The following YLPM1 variants were observed in gnomAD, a reference collection of about 807,000 sequenced individuals.
YLPM1 encodes YLP motif-containing protein 1.
In YLPM1, 99 loss-of-function variants were observed where a neutral mutation model predicts 230.0. The observed-to-expected ratio is 0.43, with a 90% CI of 0.37 to 0.51. YLPM1 has a LOEUF of 0.51. YLPM1 is among the 20% of genes least tolerant of loss of function. The pLI, the probability that YLPM1 is intolerant of heterozygous loss-of-function variation, is 0.00. For missense variants in YLPM1, 2,592 were observed against 2,707.7 expected (o/e 0.96, Z 0.95); for synonymous variants, 984 against 942.5 (o/e 1.04, Z -0.81).
chr14:74,821,263 T>A (rs888979737), intron 17 of YLPM1, 126 bp downstream of exon 17: 2 of 1,331,326 alleles, frequency 1.5e-6, no homozygotes, highest in African/African-American at 3.0e-5. Context: ...GTTTCCATAA[T>A]CATCTTCAAG....
At chr14:74,780,191 C>T (rs2091079241) in intron 2 of YLPM1, among the ~76,000 whole-genome samples, 1 of 152,054 alleles carries the variant, frequency 6.6e-6, no homozygotes, top group Non-Finnish European at 1.5e-5. Context: ...TTTATAAACT[C>T]CTTTGTATTA....
At chr14:74,784,571 T>A (rs2091128247) in intron 4 of YLPM1, among the ~76,000 whole-genome samples, 2 of 152,248 alleles carry the variant, frequency 1.3e-5, no homozygotes, top group African/African-American at 4.8e-5. Flanking sequence ...GTACTTTCTG[T>A]GATGAGCAGT....
At chr14:74,783,682 A>G (rs991988042) in intron 4 of YLPM1, among the ~76,000 whole-genome samples, 9 of 152,318 alleles carry the variant, frequency 5.9e-5, no homozygotes, top group Admixed American at 2.6e-4. Context: ...AAAACAAAAT[A>G]TATCTTTTAT....
Position 74,798,531 on chromosome 14 carries a change from C to G in YLPM1, c.3234C>G (p.Ser1078Arg). 1 of 1,613,788 alleles carries G rather than the reference C, an allele frequency of 6.2e-7. No individual in the cohort carries two copies. Among genetic ancestry groups the G allele is most frequent in the East Asian group, 2.2e-5 (1 of 44,850 alleles). Residue 1078 changes from serine (S) to arginine (R), a missense_variant, in exon 5 of 21, where the codon AGC (serine) becomes AGG (arginine). By Grantham distance (110) the Ser-to-Arg change is moderately radical. Transcript: ENST00000325680. Reference sequence around the variant, plus strand: ...AGAAGATGAACAGAGGAGAAGGTAGCCGGGACAGAGGGTTGGTGAGGCCTG... The same window carrying G: ...AGAAGATGAACAGAGGAGAAGGTAGGCGGGACAGAGGGTTGGTGAGGCCTG... The part of the protein sequence containing the change: ...SREKMNRGEG[S>R]RDRGLVRPGS...
chr14:74,801,335 A>G (rs2091322590), intron 5 of YLPM1, among the ~76,000 whole-genome samples: 1 of 152,222 alleles, frequency 6.6e-6, no homozygotes, highest in African/African-American at 2.4e-5. Flanking sequence ...AATCTTACAC[A>G]CTTGACCCTT....
intron 6 of YLPM1, among the ~76,000 whole-genome samples, chr14:74,808,784 A>G (rs991657026): frequency 2.7e-5 from 4 of 149,508 alleles, no homozygotes; most frequent in African/African-American, 7.5e-5. Context: ...AGCCTGAGCA[A>G]CAAGAGTGAA....
intron 18 of YLPM1, chr14:74,828,015 T>A (rs762133329): frequency 6.1e-5 from 60 of 985,140 alleles, no homozygotes; most frequent in Non-Finnish European, 7.0e-5. Flanking sequence ...TCAATGATAA[T>A]CACTTTTATG....
At position 74,821,069 on chromosome 14, in the gene YLPM1, G is replaced by A; in HGVS notation, c.6043G>A (p.Asp2015Asn). 1 of 1,522,364 alleles carries A rather than the reference G, an allele frequency of 6.6e-7. No individual in the cohort carries two copies. The highest frequency in any genetic ancestry group is 8.8e-7 in the Non-Finnish European group (1 of 1,135,480). 94.3% of individuals were successfully genotyped at this position (1,522,364 alleles called of 1,614,324 possible). A position where few individuals can be genotyped will look rare whatever the true frequency, so the allele number is the denominator to read the frequency against. Residue 2015 changes from aspartate to asparagine, a missense_variant, in exon 17 of 21, where the codon GAT (aspartate) becomes AAT (asparagine). This residue lies in a region of YLPM1 where 315 missense variants were observed against 429.3 expected (regional missense o/e 0.73). Transcript: ENST00000325680. ...ATGGTTGGTATAGGTAGAGATGGAAGATTTTGATGCAAATATCGAAGAACA... is the reference window on the plus strand; with the variant it reads ...ATGGTTGGTATAGGTAGAGATGGAAAATTTTGATGCAAATATCGAAGAACA... Reference protein sequence around the residue: ...DAAIEEVEMEDFDANIEEQKE... With the variant: ...DAAIEEVEMENFDANIEEQKE...
In YLPM1 at chr14:74,798,752, G is replaced by T; in HGVS notation, c.3455G>T (p.Ser1152Ile). The T allele has an allele frequency of 1.2e-6, 2 of 1,613,470 alleles. No homozygotes were observed. The highest frequency in any genetic ancestry group is 1.7e-6 in the Non-Finnish European group (2 of 1,179,540). ...AGAGGACCACCTCGAGGGCCTGGCA[G>T]TCGAGAAAGGGGACTGGGAAGATCA... The part of the protein sequence containing the change: ...RERGPPRGPG[S>I]RERGLGRSDF... The change falls in exon 5 of 21, where the codon AGT becomes ATT. Residue 1152 changes from serine (S) to isoleucine (I), a missense_variant. This residue lies in a region of YLPM1 where 1,862 missense variants were observed against 1,819.8 expected (regional missense o/e 1.02). Coordinates refer to ENST00000325680, the MANE Select transcript of YLPM1 (RefSeq NM_019589.3).
At chr14:74,828,190 G>A (rs914381633) in intron 18 of YLPM1, among the ~76,000 whole-genome samples, 1 of 152,132 alleles carries the variant, frequency 6.6e-6, no homozygotes, top group Non-Finnish European at 1.5e-5. Flanking sequence ...CCAACGTGGT[G>A]TCTGAAAGAT....
At chr14:74,776,974 T>G (rs901586813) in intron 1 of YLPM1, among the ~76,000 whole-genome samples, 2 of 152,086 alleles carry the variant, frequency 1.3e-5, no homozygotes, top group Admixed American at 6.6e-5. Flanking sequence ...GAGGATCATT[T>G]GAGCACAGGA....
chr14:74,829,256 C>G lies in YLPM1; in HGVS notation c.6207C>G (p.Asp2069Glu). 4.3e-6 allele frequency: 7 copies of G among 1,613,272 alleles called. No homozygotes were observed. The South Asian group carries it at 7.7e-5, about 18-fold the overall frequency. The change falls in exon 19 of 21, where the codon GAC becomes GAG. Residue 2069 changes from aspartate to glutamate, a missense_variant. Asp to Glu is a conservative substitution (Grantham distance 45). Around this residue, in one of 4 missense-constraint regions of YLPM1, gnomAD observed 315 missense variants for 429.3 expected, o/e 0.73. Transcript: ENST00000325680. ...GLRTGTKRKR[D>E]WEAIASRMED... ...GGACTGGTACTAAAAGGAAACGTGA[C>G]TGGGAGGCCATTGCCAGCAGAATGG...
chr14:74,798,760 A>G lies in YLPM1; in HGVS notation c.3463A>G (p.Arg1155Gly). The change falls in exon 5 of 21, where the codon AGG (arginine) becomes GGG (glycine). Residue 1155 changes from arginine (R) to glycine (G), a missense_variant. Arg to Gly is a moderately radical substitution (Grantham distance 125). Transcript: ENST00000325680. ...ACCTCGAGGGCCTGGCAGTCGAGAAAGGGGACTGGGAAGATCAGATTTTGG... is the reference window on the plus strand; with the variant it reads ...ACCTCGAGGGCCTGGCAGTCGAGAAGGGGGACTGGGAAGATCAGATTTTGG... Reference protein sequence around the residue: ...GPPRGPGSRERGLGRSDFGRD... With the variant: ...GPPRGPGSREGGLGRSDFGRD... 1 of 1,613,512 alleles carries G rather than the reference A, an allele frequency of 6.2e-7. No individual in the cohort carries two copies. Among genetic ancestry groups the G allele is most frequent in the Non-Finnish European group, 8.5e-7 (1 of 1,179,600 alleles).
At position 74,780,423 on chromosome 14, in the gene YLPM1, G is replaced by A; in HGVS notation, c.1129G>A (p.Asp377Asn). ...EEPQSEDPEE[D>N]ARLKQLQAAA... ...TCTTTAGTCTGAGGACCCAGAAGAA[G>A]ATGCCAGGTTAAAGCAGTTGCAGGC... Residue 377 changes from aspartate to asparagine, a missense_variant, in exon 3 of 21, where the codon GAT becomes AAT. Coordinates refer to ENST00000325680, the MANE Select transcript of YLPM1 (RefSeq NM_019589.3). 8 of 1,613,026 alleles carry A rather than the reference G, an allele frequency of 5.0e-6. No homozygotes were observed. Among genetic ancestry groups the A allele is most frequent in the Non-Finnish European group, 5.1e-6 (6 of 1,179,382 alleles).
intron 2 of YLPM1, 52 bp downstream of exon 2, chr14:74,778,735 G>T: frequency 1.4e-6 from 2 of 1,456,864 alleles, no homozygotes; most frequent in East Asian, 2.5e-5. Context: ...GCTTTTTTCT[G>T]ATTCATTTAG....
In YLPM1 at chr14:74,781,676, C is replaced by G. The variant is rs1418295011; in HGVS notation, c.1633C>G (p.Pro545Ala). 3 of 1,613,236 alleles carry G rather than the reference C, an allele frequency of 1.9e-6. No individual in the cohort carries two copies. The South Asian group carries it at 3.3e-5, about 18-fold the overall frequency. ...AGTGTTGCCTCCTTCATTGCCACCA[C>G]CAGTGATGCCCCCTGCCCTCCCTGC... ...PPVLPPSLPP[P>A]VMPPALPATV... Residue 545 changes from proline (P) to alanine (A), a missense_variant, in exon 4 of 21, where the codon CCA becomes GCA. By Grantham distance (27) the Pro-to-Ala change is conservative (BLOSUM62 -1). This residue lies in a region of YLPM1 where 1,862 missense variants were observed against 1,819.8 expected (regional missense o/e 1.02). Coordinates refer to ENST00000325680, the MANE Select transcript of YLPM1 (RefSeq NM_019589.3).
intron 16 of YLPM1, 97 bp downstream of exon 16, chr14:74,818,411 A>G (rs1281617926): frequency 9.9e-7 from 1 of 1,005,902 alleles, no homozygotes. Flanking sequence ...TTATATGAAT[A>G]GTATTCATAC....
At chr14:74,808,804 CAAA>C (rs34802468) in intron 6 of YLPM1, among the ~76,000 whole-genome samples, 8 of 122,914 alleles carry the variant, frequency 6.5e-5, no homozygotes, top group Admixed American at 8.2e-5. Context: ...AACTCCGTCT[CAAA>C]AAAAAAAAAA....
In YLPM1 at chr14:74,799,296, T is replaced by G. The variant is rs1162743758; in HGVS notation, c.3999T>G (p.Pro1333=). Residue 1333 remains proline, a synonymous_variant, in exon 5 of 21, where the codon CCT becomes CCG. Transcript: ENST00000325680. The part of the protein sequence containing the change: ...FRERDIPSLP[P]LPPLPPLPPL... Reference sequence around the variant, plus strand: ...AACGGGATATTCCATCTCTTCCACCTTTACCGCCCCTCCCACCTCTTCCAC... The same window carrying G: ...AACGGGATATTCCATCTCTTCCACCGTTACCGCCCCTCCCACCTCTTCCAC... 3.1e-6 allele frequency: 5 copies of G among 1,613,852 alleles called. No individual in the cohort carries two copies. The South Asian group carries it at 5.5e-5, about 18-fold the overall frequency.
Sources: gnomAD v4.1 joint callset for allele counts (sites outside exome capture counted in the v4.1 genomes callset) on GRCh38, gnomAD v4.1.1 for gene constraint, gnomAD v4.1.1 regional missense constraint, MANE v1.5 for transcripts, NCBI Gene and HGNC (gene_info 2026-07-23, HGNC 2026-07-21) for gene names.